Variants in AVEN observed in about 807,000 individuals in gnomAD.
AVEN encodes the protein cell death regulator Aven.
Under a neutral mutation model 38.1 loss-of-function variants are expected in AVEN, and 41 were observed. The ratio of observed to expected loss-of-function variants is 1.08; its 90% CI spans 0.84 to 1.40. The LOEUF (loss-of-function observed/expected upper bound fraction) is 1.40, where lower values mean the gene tolerates loss of function less well. Ranked by LOEUF, AVEN falls within the 40% of genes most tolerant of loss-of-function variation. The pLI is 0.00. For synonymous variants in AVEN, 206 were observed against 171.8 expected (o/e 1.20, Z -1.56); for missense variants, 605 against 438.8 (o/e 1.38, Z -3.38).
At chr15:33,854,691 A>G, downstream of AVEN, 3 of 1,527,806 alleles carry the variant, frequency 2.0e-6, no homozygotes, top group Non-Finnish European at 2.6e-6. Context: ...TGTCTCCCAA[A>G]ATAAGAAAAA....
intron 5 of AVEN, among the ~76,000 whole-genome samples, chr15:34,057,431 T>C (rs1204071111): frequency 6.6e-6 from 1 of 152,118 alleles, no homozygotes; most frequent in Non-Finnish European, 1.5e-5. Flanking sequence ...CATGAGCCAC[T>C]GTGCCCAGCC....
At chr15:33,958,348 G>C (rs982283890) in intron 2 of AVEN, among the ~76,000 whole-genome samples, 10 of 152,300 alleles carry the variant, frequency 6.6e-5, no homozygotes, top group African/African-American at 2.4e-4. Flanking sequence ...GGGAGGCAGA[G>C]GTGGGTGGAT....
In AVEN at chr15:34,003,246, G is replaced by C. The variant is rs374232813; in HGVS notation, c.268-37C>G. 26 of 1,601,886 alleles carry C rather than the reference G, an allele frequency of 1.6e-5. No homozygotes were observed. The African/African-American group carries it at 2.8e-4, about 17-fold the overall frequency. On this transcript the variant is annotated intron_variant, in intron 1 of 5. Coordinates refer to ENST00000306730, the MANE Select transcript of AVEN (RefSeq NM_020371.3). The stretch of plus-strand genomic sequence containing the variant: ...AGAGACAAATCAATAAGTAAGCAGT[G>C]GAAATCCTGACCTTAGTAGACTTCC...
At chr15:33,945,525 G>A (rs1373106983) in intron 2 of AVEN, among the ~76,000 whole-genome samples, 1 of 152,104 alleles carries the variant, frequency 6.6e-6, no homozygotes, top group Admixed American at 6.5e-5. Flanking sequence ...CAGGATCTCT[G>A]GCATGGCACA....
chr15:33,987,045 T>G (rs1896506937), intron 2 of AVEN, among the ~76,000 whole-genome samples: 1 of 152,218 alleles, frequency 6.6e-6, no homozygotes, highest in Admixed American at 6.5e-5. Flanking sequence ...AAAAGCAGTA[T>G]GTTGACATCC....
At chr15:33,872,055 G>A (rs542680058) in intron 3 of AVEN, among the ~76,000 whole-genome samples, 1 of 152,218 alleles carries the variant, frequency 6.6e-6, no homozygotes, top group South Asian at 2.1e-4. Flanking sequence ...AGTTGAAGTA[G>A]AGGGCCTGGC....
intron 2 of AVEN, among the ~76,000 whole-genome samples, chr15:33,883,461 A>C (rs552093831): frequency 2.2e-4 from 34 of 152,264 alleles, no homozygotes; most frequent in African/African-American, 8.2e-4. Flanking sequence ...CACAATATTC[A>C]ATCAGTGGCA....
Position 33,917,446 on chromosome 15 carries a change from A to G in AVEN, c.446-41451T>C, listed in dbSNP as rs547867180. Among the ~76,000 whole-genome samples the G allele has an allele frequency of 4.7e-5, 7 of 149,792 alleles. No homozygotes were observed. The South Asian group carries it at 1.3e-3, about 27-fold the overall frequency. On this transcript the variant is annotated intron_variant, in intron 2 of 5. Coordinates refer to ENST00000306730, the MANE Select transcript of AVEN (RefSeq NM_020371.3). ...ACACACTATATATATACACACATATATACACACACACATATATATACACAT... is the reference window on the plus strand; with the variant it reads ...ACACACTATATATATACACACATATGTACACACACACATATATATACACAT...
intron 11 of AVEN, chr15:33,859,851 G>GTT: frequency 1.8e-6 from 2 of 1,128,068 alleles, no homozygotes; most frequent in East Asian, 2.6e-5. Context: ...TGTTAATTTA[G>GTT]CAAGAACTAA....
At chr15:33,999,380 A>G (rs1406015324) in intron 2 of AVEN, among the ~76,000 whole-genome samples, 1 of 152,088 alleles carries the variant, frequency 6.6e-6, no homozygotes, top group Non-Finnish European at 1.5e-5. Context: ...CTCTACACAT[A>G]CCTTTGTAAA....
chr15:33,860,979 A>T (rs1256396394), intron 11 of AVEN: 7 of 980,972 alleles, frequency 7.1e-6, no homozygotes, highest in Admixed American at 2.0e-5. Flanking sequence ...CATTAGAAAG[A>T]AAGTTTTCAT....
chr15:33,892,291 A>G (rs11072778), intron 2 of AVEN, among the ~76,000 whole-genome samples: 119,699 of 152,152 alleles, frequency 0.79, 50,666 homozygotes, highest in East Asian at 0.97. Flanking sequence ...TTAGCCATGA[A>G]GTCCTTGCCC....
intron 2 of AVEN, among the ~76,000 whole-genome samples, chr15:33,924,677 C>T (rs553523560): frequency 3.9e-5 from 6 of 152,232 alleles, no homozygotes; most frequent in Admixed American, 6.5e-5. Context: ...TTATCAAATA[C>T]GTTCATGGAG....
chr15:34,041,208 A>G (rs1237076078), upstream of AVEN, among the ~76,000 whole-genome samples: 5 of 152,168 alleles, frequency 3.3e-5, no homozygotes, highest in Non-Finnish European at 5.9e-5. Flanking sequence ...TCTCCCCCTC[A>G]TTAAGACAAC....
chr15:33,947,537 T>C (rs1894554228), intron 2 of AVEN, among the ~76,000 whole-genome samples: 1 of 152,152 alleles, frequency 6.6e-6, no homozygotes, highest in Non-Finnish European at 1.5e-5. Flanking sequence ...CCCCTGAGGA[T>C]ACCAAAATCT....
chr15:34,016,182 C>T (rs1897902036), intron 1 of AVEN, among the ~76,000 whole-genome samples: 1 of 152,096 alleles, frequency 6.6e-6, no homozygotes, highest in Non-Finnish European at 1.5e-5. Flanking sequence ...TACAGTGAGC[C>T]AAGATCGTGC....
chr15:34,004,870 G>C (rs961359540), intron 1 of AVEN, among the ~76,000 whole-genome samples: 1 of 151,662 alleles, frequency 6.6e-6, no homozygotes, highest in Non-Finnish European at 1.5e-5. Flanking sequence ...CTAAAGACAT[G>C]GTTCAAAGAT....
At chr15:33,950,622 G>A (rs1462599619) in intron 2 of AVEN, among the ~76,000 whole-genome samples, 3 of 152,090 alleles carry the variant, frequency 2.0e-5, no homozygotes, top group African/African-American at 7.2e-5. Flanking sequence ...AGCACCAAAG[G>A]CTTTATAAAG....
chr15:33,889,207 T>A (rs748836252), intron 2 of AVEN, among the ~76,000 whole-genome samples: 2 of 152,230 alleles, frequency 1.3e-5, no homozygotes, highest in Non-Finnish European at 2.9e-5. Flanking sequence ...AAAATGGGCA[T>A]CTTTTTTGAC....
Sources: allele counts gnomAD v4.1 joint callset (sites outside exome capture counted in the v4.1 genomes callset), GRCh38; gene constraint gnomAD v4.1.1; transcripts MANE v1.5; gene names NCBI Gene and HGNC (gene_info 2026-07-23, HGNC 2026-07-21).